The following MED12L variants were observed in gnomAD, a reference collection of about 807,000 sequenced individuals.
MED12L encodes the protein mediator complex subunit 12L.
In MED12L, 60 loss-of-function variants were observed where a neutral mutation model predicts 281.3. The ratio of observed to expected loss-of-function variants is 0.21; its 90% CI spans 0.17 to 0.26. MED12L has a LOEUF of 0.26. Among genes scored for constraint, MED12L ranks in the 10% least tolerant of loss-of-function variants. The pLI is 1.00. For missense variants in MED12L, 2,146 were observed against 2,680.9 expected (o/e 0.80, Z 4.41); for synonymous variants, 974 against 987.2 (o/e 0.99, Z 0.25).
chr3:151,317,687 T>C (rs898674620), intron 16 of MED12L, among the ~76,000 whole-genome samples: 1 of 151,816 alleles, frequency 6.6e-6, no homozygotes, highest in Admixed American at 6.6e-5. Flanking sequence ...CCTGACCTCA[T>C]GATCCGCCCG....
Position 151,385,002 on chromosome 3 carries a change from A to G in MED12L, c.4927-28A>G, listed in dbSNP as rs982752602. The G allele has an allele frequency of 2.3e-5, 26 of 1,150,938 alleles. No individual in the cohort carries two copies. The African/African-American group carries it at 3.9e-4, about 17-fold the overall frequency. 71.3% of individuals were successfully genotyped at this position (1,150,938 alleles called of 1,614,324 possible). ...CATTGTAATTTCTGTCCCACTTCTC[A>G]CTCTCTCTCTCTCTCTTTTTTCTTT... On this transcript the variant is annotated intron_variant, in intron 35 of 44. Transcript: ENST00000687756.
intron 16 of MED12L, among the ~76,000 whole-genome samples, chr3:151,341,037 A>C (rs1163361482): frequency 6.6e-6 from 1 of 152,164 alleles, no homozygotes; most frequent in Non-Finnish European, 1.5e-5. Context: ...ATCCAAGTTG[A>C]GATCAAGCCT....
intron 39 of MED12L, among the ~76,000 whole-genome samples, chr3:151,406,297 A>G (rs956573652): frequency 1.3e-5 from 2 of 152,236 alleles, no homozygotes; most frequent in Non-Finnish European, 2.9e-5. Flanking sequence ...CAAGTTATTA[A>G]AGAACTTATT....
At chr3:151,122,524 C>A (rs925441699) in intron 3 of MED12L, among the ~76,000 whole-genome samples, 3 of 152,174 alleles carry the variant, frequency 2.0e-5, no homozygotes, top group Non-Finnish European at 4.4e-5. Context: ...TAATTAATTT[C>A]ATCTTAGCAG....
intron 5 of MED12L, among the ~76,000 whole-genome samples, chr3:151,134,298 T>C (rs1261950283): frequency 6.6e-6 from 1 of 152,040 alleles, no homozygotes; most frequent in African/African-American, 2.4e-5. Context: ...CCCATTTCAT[T>C]AGTAAATGTT....
chr3:151,269,568 A>G, intron 16 of MED12L: 1 of 291,228 alleles, frequency 3.4e-6, no homozygotes, highest in Non-Finnish European at 6.8e-6. Context: ...ATTTTTGGGT[A>G]ACAGCATTTG....
chr3:151,417,999 C>T (rs1470476612), intron 43 of MED12L, among the ~76,000 whole-genome samples: 2 of 152,164 alleles, frequency 1.3e-5, no homozygotes, highest in Non-Finnish European at 2.9e-5. Context: ...GGATGCACCA[C>T]TGTTAGCTGA....
intron 5 of MED12L, among the ~76,000 whole-genome samples, chr3:151,151,046 T>TTTTTTTTTTTTTTTTTTC (rs1718422383): frequency 8.2e-6 from 1 of 121,906 alleles, no homozygotes; most frequent in Non-Finnish European, 1.7e-5. Flanking sequence ...TTTTTTTTTT[T>TTTTTTTTTTTTTTTTTTC]TTTTTTTTGA....
intron 7 of MED12L, 66 bp downstream of exon 7, chr3:151,158,865 T>G (rs1719630516): frequency 9.5e-7 from 1 of 1,057,344 alleles, no homozygotes; most frequent in Non-Finnish European, 1.5e-6. Context: ...TAAGAATGAT[T>G]AGGTAAGTGG....
intron 16 of MED12L, among the ~76,000 whole-genome samples, chr3:151,257,336 C>T (rs1005427956): frequency 6.6e-6 from 1 of 152,148 alleles, no homozygotes; most frequent in East Asian, 1.9e-4. Flanking sequence ...CATTTGTTGA[C>T]CTGTAGTCCT....
chr3:151,249,049 A>G (rs1242945669), intron 16 of MED12L: 1 of 152,220 alleles, frequency 6.6e-6, no homozygotes, highest in Non-Finnish European at 1.5e-5. Context: ...ACATCTCGCC[A>G]AATGCTTGAA....
rs940718748 is a variant in MED12L at position 151,258,831 on chromosome 3, G to A, written c.2250+65165G>A. On this transcript the variant is annotated intron_variant, in intron 16 of 44. Transcript: ENST00000687756. ...CGTGCCACTGCACTCCAGCCTGGGC[G>A]ACAGAGCAAGATTCTGTCTCAAAAA... 3.7e-4 allele frequency among the ~76,000 whole-genome samples: 52 copies of A among 139,746 alleles called. 1 individual carries two copies. The highest frequency in any genetic ancestry group is 1.1e-3 in the African/African-American group (42 of 36,892). The allele number at this position is 139,746 out of a possible 152,430, so 91.7% of individuals were successfully genotyped here.
At chr3:151,255,107 C>T (rs951861713) in intron 16 of MED12L, among the ~76,000 whole-genome samples, 1 of 152,052 alleles carries the variant, frequency 6.6e-6, no homozygotes, top group Non-Finnish European at 1.5e-5. Flanking sequence ...AAGATAGGAA[C>T]TTTCGAGTCA....
intron 6 of MED12L, among the ~76,000 whole-genome samples, chr3:151,157,907 T>C (rs1719490655): frequency 6.6e-6 from 1 of 152,222 alleles, no homozygotes; most frequent in South Asian, 2.1e-4. Context: ...TTTCTTTCTT[T>C]CATTCTGTGA....
At position 151,158,766 on chromosome 3, in the gene MED12L, T is replaced by A. The variant is rs777218942; in HGVS notation, c.804T>A (p.Asp268Glu). 10 of 1,613,006 alleles carry A rather than the reference T, an allele frequency of 6.2e-6. No individual in the cohort carries two copies. In the South Asian group the frequency reaches 1.1e-4, roughly 18 times the overall value. ...AAAAGATCAGACCAATGGATGATGA[T>A]CTTCTTAAACTCTTGCTACCACTAA... ...VLEKIRPMDD[D>E]LLKLLLPLML... The change falls in exon 7 of 45, where the codon GAT becomes GAA. Residue 268 changes from aspartate to glutamate, a missense_variant. By Grantham distance (45) the Asp-to-Glu change is conservative. This residue lies in a region of MED12L where 722 missense variants were observed against 861.2 expected (regional missense o/e 0.84). Transcript: ENST00000687756.
At position 151,402,767 on chromosome 3, in the gene MED12L, T is replaced by C. The variant is rs556296233; in HGVS notation, c.5821-6476T>C. Among the ~76,000 whole-genome samples, 10 of 152,350 alleles carry C rather than the reference T, an allele frequency of 6.6e-5. No homozygotes were observed. The East Asian group carries it at 1.9e-3, about 29-fold the overall frequency. ...GTCTGTAGTGAGGATGTTTGACATATGAATTAATAAAACCCTTATAGGGCC... is the reference window on the plus strand; with the variant it reads ...GTCTGTAGTGAGGATGTTTGACATACGAATTAATAAAACCCTTATAGGGCC... On this transcript the variant is annotated intron_variant, in intron 39 of 44. Coordinates refer to ENST00000687756, the MANE Select transcript of MED12L (RefSeq NM_001393769.1).
chr3:151,196,958 G>A (rs1724748662), intron 16 of MED12L, among the ~76,000 whole-genome samples: 1 of 152,042 alleles, frequency 6.6e-6, no homozygotes, highest in Non-Finnish European at 1.5e-5. Flanking sequence ...ATTTACCAGC[G>A]GTTTTTATAT....
At chr3:151,424,655 T>A (rs1428044850) in intron 43 of MED12L, among the ~76,000 whole-genome samples, 1 of 151,912 alleles carries the variant, frequency 6.6e-6, no homozygotes, top group Non-Finnish European at 1.5e-5. Context: ...AAAAAAACTC[T>A]ATGCAAGTTA....
intron 42 of MED12L, 89 bp downstream of exon 42, chr3:151,413,384 G>A (rs1717174583): frequency 7.0e-7 from 1 of 1,436,442 alleles, no homozygotes; most frequent in Non-Finnish European, 9.4e-7. Context: ...CACTATAGTT[G>A]TCAATTGCCA....
Sources: gnomAD v4.1 joint callset for allele counts (sites outside exome capture counted in the v4.1 genomes callset) on GRCh38, gnomAD v4.1.1 for gene constraint, gnomAD v4.1.1 regional missense constraint, MANE v1.5 for transcripts, NCBI Gene and HGNC (gene_info 2026-07-23, HGNC 2026-07-21) for gene names.